Variants in CLASP2 observed in about 807,000 individuals in gnomAD.
CLASP2 encodes the protein cytoplasmic linker associated protein 2.
A neutral mutation model predicts 194.4 loss-of-function variants in CLASP2; 47 were observed. The observed-to-expected ratio is 0.24, with a 90% CI of 0.19 to 0.31. CLASP2 has a LOEUF of 0.31. Ranked by LOEUF, CLASP2 falls within the 10% of genes least tolerant of loss-of-function variation. CLASP2 has a pLI of 1.00. For missense variants in CLASP2, 1,445 were observed against 1,823.6 expected (o/e 0.79, Z 3.78); for synonymous variants, 619 against 633.5 (o/e 0.98, Z 0.34).
At chr3:33,632,243 G>T (rs2079221717) in intron 9 of CLASP2, 49 bp downstream of exon 9, 4 of 1,162,766 alleles carry the variant, frequency 3.4e-6, no homozygotes, top group Non-Finnish European at 4.8e-6. Flanking sequence ...ATAATTATAT[G>T]AACAGGCACA....
intron 34 of CLASP2, among the ~76,000 whole-genome samples, chr3:33,526,766 T>A (rs940361678): frequency 6.6e-6 from 1 of 152,012 alleles, no homozygotes; most frequent in Non-Finnish European, 1.5e-5. Context: ...AGAACCAAAA[T>A]CATACCAGAC....
chr3:33,624,912 A>C (rs1003225785), intron 10 of CLASP2, among the ~76,000 whole-genome samples: 3 of 152,028 alleles, frequency 2.0e-5, no homozygotes, highest in African/African-American at 4.8e-5. Context: ...CAATGGCAAA[A>C]ATTTTTTAAA....
intron 6 of CLASP2, among the ~76,000 whole-genome samples, chr3:33,673,182 C>G (rs1325440183): frequency 6.6e-6 from 1 of 152,130 alleles, no homozygotes; most frequent in Non-Finnish European, 1.5e-5. Context: ...ATGTTAAGGG[C>G]AGCCAGAGAG....
intron 29 of CLASP2, among the ~76,000 whole-genome samples, chr3:33,554,370 C>T (rs1273050446): frequency 1.3e-5 from 2 of 152,006 alleles, no homozygotes; most frequent in Admixed American, 6.6e-5. Flanking sequence ...GAAGATGAAC[C>T]TGGAGGACAA....
chr3:33,604,014 A>G, intron 17 of CLASP2, 140 bp downstream of exon 17: 1 of 630,322 alleles, frequency 1.6e-6, no homozygotes, highest in East Asian at 2.7e-5. Flanking sequence ...ACACGTATAC[A>G]TATACAGGTA....
intron 6 of CLASP2, among the ~76,000 whole-genome samples, chr3:33,667,406 C>CAAAAAAAAAAAAAAAAAG (rs2086381319): frequency 2.3e-5 from 1 of 44,148 alleles, no homozygotes; most frequent in Non-Finnish European, 4.0e-5. Context: ...GAGACTATCT[C>CAAAAAAAAAAAAAAAAAG]AAAAAAAAAA....
chr3:33,603,055 C>A lies in CLASP2; in HGVS notation c.1821G>T (p.Val607=). Residue 607 remains valine, a synonymous_variant, in exon 18 of 39, where the codon GTG becomes GTT. Transcript: ENST00000682230. ...SLQRSRSDID[V]NAAAGAKAHH... is the part of the protein sequence containing the mutation. ...GTGCCTTGGCACCTGCAGCAGCATT[C>A]ACATCAATGTCACTTCGTGAACGCT... 6.2e-7 allele frequency: 1 copy of A among 1,602,216 alleles called. No homozygotes were observed. The highest frequency in any genetic ancestry group is 1.1e-5 in the South Asian group (1 of 88,750).
At chr3:33,616,225 T>C (rs980316768) in intron 12 of CLASP2, among the ~76,000 whole-genome samples, 1 of 152,080 alleles carries the variant, frequency 6.6e-6, no homozygotes, top group African/African-American at 2.4e-5. Flanking sequence ...CCCAGCTTCT[T>C]GGGAGGCTGA....
intron 6 of CLASP2, among the ~76,000 whole-genome samples, chr3:33,680,275 A>C (rs899820915): frequency 6.6e-6 from 1 of 152,198 alleles, no homozygotes; most frequent in African/African-American, 2.4e-5. Context: ...ACAATAGCGG[A>C]CACATGTCAT....
In CLASP2 at chr3:33,622,259, G is replaced by T. The variant is rs2077229756; in HGVS notation, c.1057C>A (p.Leu353Ile). The change falls in exon 11 of 39, where the codon CTT (leucine) becomes ATT (isoleucine). Residue 353 changes from leucine (L) to isoleucine (I), a missense_variant. Leu to Ile is a conservative substitution (Grantham distance 5). Coordinates refer to ENST00000682230, the MANE Select transcript of CLASP2 (RefSeq NM_001365631.1). ...ANALKKIRSLLVAGAAQYDCF... is the reference protein window; with the variant it reads ...ANALKKIRSLIVAGAAQYDCF... Reference sequence around the variant, plus strand: ...TCATACTGTGCAGCTCCAGCAACAAGCAGTGATCGAATTTTCTTCAGCTGA... The same window carrying T: ...TCATACTGTGCAGCTCCAGCAACAATCAGTGATCGAATTTTCTTCAGCTGA... The T allele has an allele frequency of 1.3e-6, 2 of 1,502,004 alleles. No individual in the cohort carries two copies. The highest frequency in any genetic ancestry group is 1.8e-6 in the Non-Finnish European group (2 of 1,123,954). The allele number at this position is 1,502,004 out of a possible 1,614,324, so 93.0% of individuals were successfully genotyped here. A position where few individuals can be genotyped will look rare whatever the true frequency, so the allele number is the denominator to read the frequency against.
intron 28 of CLASP2, 128 bp from the exon 29 acceptor site, chr3:33,559,513 G>T: frequency 1.6e-6 from 1 of 636,532 alleles, no homozygotes. Context: ...GTATCTGCAT[G>T]TGGTATAAAC....
At chr3:33,584,074 T>C (rs1447059786) in intron 22 of CLASP2, among the ~76,000 whole-genome samples, 4 of 152,180 alleles carry the variant, frequency 2.6e-5, no homozygotes, top group Non-Finnish European at 5.9e-5. Flanking sequence ...GAAAGTATCC[T>C]AATCAATACA....
chr3:33,496,412 C>T lies in CLASP2; in HGVS notation c.*2219G>A, dbSNP rs926808872. 6.6e-6 allele frequency: 1 copy of T among 152,054 alleles called. No homozygotes were observed. The highest frequency in any genetic ancestry group is 1.5e-5 in the Non-Finnish European group (1 of 67,996). The allele number at this position is 152,054 out of a possible 1,614,324, so 9.4% of individuals were successfully genotyped here. A position where few individuals can be genotyped will look rare whatever the true frequency, so the allele number is the denominator to read the frequency against. On this transcript the variant is annotated 3_prime_UTR_variant, in exon 39 of 39. Coordinates refer to ENST00000682230, the MANE Select transcript of CLASP2 (RefSeq NM_001365631.1). Reference sequence around the variant, plus strand: ...CATCTCAGTATGTTTCTGGAATGAACAAATTAAGGGTGTATTGTATATAGT... The same window carrying T: ...CATCTCAGTATGTTTCTGGAATGAATAAATTAAGGGTGTATTGTATATAGT...
chr3:33,535,397 G>A lies in CLASP2; in HGVS notation c.3623C>T (p.Thr1208Ile), dbSNP rs1425300548. 1 of 1,613,874 alleles carries A rather than the reference G, an allele frequency of 6.2e-7. No homozygotes were observed. Among genetic ancestry groups the A allele is most frequent in the East Asian group, 2.2e-5 (1 of 44,896 alleles). ...AGGDATDSSQ[T>I]ALDNKASLLH... ...CAATGAAGCTTTATTATCAAGAGCT[G>A]TTTGACTTGAGTCAGTAGCATCACC... is the stretch of plus-strand genomic sequence containing the variant. Residue 1208 changes from threonine (T) to isoleucine (I), a missense_variant, in exon 34 of 39, where the codon ACA becomes ATA. This residue lies in a region of CLASP2 where 732 missense variants were observed against 987.9 expected (regional missense o/e 0.74). Transcript: ENST00000682230.
chr3:33,548,266 A>C (rs1049104599), intron 30 of CLASP2, among the ~76,000 whole-genome samples: 6 of 152,074 alleles, frequency 3.9e-5, no homozygotes, highest in Non-Finnish European at 7.4e-5. Context: ...ATTTTTAAAA[A>C]AAGTTTTAGA....
At chr3:33,538,568 C>T (rs538924005) in intron 33 of CLASP2, among the ~76,000 whole-genome samples, 1 of 152,276 alleles carries the variant, frequency 6.6e-6, no homozygotes, top group East Asian at 1.9e-4. Context: ...TAATACTCAT[C>T]TCTATATGAA....
intron 34 of CLASP2, among the ~76,000 whole-genome samples, chr3:33,528,911 T>C (rs945471002): frequency 3.7e-4 from 56 of 152,212 alleles, no homozygotes; most frequent in African/African-American, 1.1e-3. Flanking sequence ...CATCATTTTA[T>C]ATTTAGAAAA....
chr3:33,543,288 G>A (rs978301702), intron 32 of CLASP2, 145 bp downstream of exon 32: 1 of 582,936 alleles, frequency 1.7e-6, no homozygotes, highest in Admixed American at 2.8e-5. Context: ...CAGGAGAACT[G>A]CTTGAACCTG....
chr3:33,711,269 G>A (rs945068139), intron 1 of CLASP2, among the ~76,000 whole-genome samples: 5 of 144,638 alleles, frequency 3.5e-5, no homozygotes, highest in African/African-American at 1.0e-4. Context: ...TTTTTGAGAC[G>A]AAATCTCATT....
Sources: gnomAD v4.1 joint callset for allele counts (sites outside exome capture counted in the v4.1 genomes callset) on GRCh38, gnomAD v4.1.1 for gene constraint, gnomAD v4.1.1 regional missense constraint, MANE v1.5 for transcripts, NCBI Gene and HGNC (gene_info 2026-07-23, HGNC 2026-07-21) for gene names.